Variants in ZSCAN25 observed in about 807,000 individuals in gnomAD.
The protein encoded by ZSCAN25 is zinc finger and SCAN domain-containing protein 25.
A neutral mutation model predicts 38.7 loss-of-function variants in ZSCAN25; 27 were observed. The observed-to-expected ratio is 0.70, with a 90% CI of 0.51 to 0.96. The LOEUF (loss-of-function observed/expected upper bound fraction) is 0.96, where lower values mean the gene tolerates loss of function less well. ZSCAN25 is among the 40% of genes least tolerant of loss of function. The pLI is 0.00. For synonymous variants in ZSCAN25, 273 were observed against 277.7 expected (o/e 0.98, Z 0.17); for missense variants, 637 against 705.9 (o/e 0.90, Z 1.11).
chr7:99,717,561 G>A, the ZSCAN25 span: 10 of 1,613,770 alleles, frequency 6.2e-6, no homozygotes, highest in Non-Finnish European at 5.9e-6. Flanking sequence ...GTTGGAGACA[G>A]CAATGATCGT....
rs748823213 is a variant in ZSCAN25 at position 99,629,976 on chromosome 7, C to T, written c.1591C>T (p.Arg531Trp). The T allele has an allele frequency of 3.8e-5, 61 of 1,602,454 alleles. No homozygotes were observed. Among genetic ancestry groups the T allele is most frequent in the Non-Finnish European group, 4.9e-5 (57 of 1,174,244 alleles). Residue 531 changes from arginine (R) to tryptophan (W), a missense_variant, in exon 8 of 8, where the codon CGG (arginine) becomes TGG (tryptophan). Transcript: ENST00000394152. The surrounding 1 kb of genome is among the most constrained non-coding windows in gnomAD (Gnocchi z 5.6). ...RSFNQRSILN[R>W]HQKTQHRQEP... ...CTTCAACCAGAGGTCCATCCTCAAC[C>T]GGCACCAGAAGACCCAGCACCGCCA...
Position 99,629,578 on chromosome 7 carries a change from TG to T in ZSCAN25, c.1196del (p.Gly399GlufsTer212). Reference protein sequence around the residue: ...EYLMKHQRTHLGKRPYVCSEC... With the variant: ...EYLMKHQRTHXGKRPYVCSEC... ...CTGATGAAGCACCAGAGAACCCACCTGGGAAAGAGGCCCTACGTGTGCAGCG... is the reference window on the plus strand; with the variant it reads ...CTGATGAAGCACCAGAGAACCCACCTGGAAAGAGGCCCTACGTGTGCAGCG... On this transcript the variant is annotated frameshift_variant, in exon 8 of 8. Coordinates refer to ENST00000394152, the MANE Select transcript of ZSCAN25 (RefSeq NM_145115.3). LOFTEE classifies it high-confidence loss of function. This position sits in a 1 kb window ranked among gnomAD's most constrained non-coding sequence, Gnocchi z 5.6. The T allele has an allele frequency of 6.2e-7, 1 of 1,614,160 alleles. No individual in the cohort carries two copies. The highest frequency in any genetic ancestry group is 8.5e-7 in the Non-Finnish European group (1 of 1,180,012).
At chr7:99,734,759 C>A in the ZSCAN25 span, among the ~76,000 whole-genome samples, 3 of 151,812 alleles carry the variant, frequency 2.0e-5, no homozygotes, top group African/African-American at 4.8e-5. Context: ...GTAGCTGGGA[C>A]TACAGTTATG....
the ZSCAN25 span, chr7:99,648,082 T>C: frequency 1.6e-5 from 18 of 1,143,302 alleles, no homozygotes; most frequent in Non-Finnish European, 1.8e-5. Flanking sequence ...AAGCTGAGTC[T>C]ACCTATCTGT....
chr7:99,661,554 G>A, the ZSCAN25 span, among the ~76,000 whole-genome samples: 19 of 152,236 alleles, frequency 1.2e-4, no homozygotes, highest in African/African-American at 3.9e-4. Flanking sequence ...CCTGAGAGAA[G>A]CTCACGATGG....
the ZSCAN25 span, chr7:99,731,279 CAG>C: frequency 2.9e-6 from 3 of 1,047,516 alleles, no homozygotes; most frequent in African/African-American, 4.8e-5. Flanking sequence ...TAAAAAATAA[CAG>C]TAACTCTGAC....
chr7:99,680,135 T>G, the ZSCAN25 span: 1 of 505,994 alleles, frequency 2.0e-6, no homozygotes, highest in South Asian at 2.2e-5. Flanking sequence ...CATGAAAAGC[T>G]TAATCAGTGT....
chr7:99,644,309 G>T, the ZSCAN25 span, among the ~76,000 whole-genome samples: 1 of 152,130 alleles, frequency 6.6e-6, no homozygotes, highest in African/African-American at 2.4e-5. Flanking sequence ...GCCAAGCAGA[G>T]CATGAAAAGG....
At chr7:99,665,315 C>T in the ZSCAN25 span, 1 of 1,614,106 alleles carries the variant, frequency 6.2e-7, no homozygotes, top group Non-Finnish European at 8.5e-7. Flanking sequence ...CCCAAAGATG[C>T]TGAGTGGAGA....
chr7:99,617,711 T>G (rs1265624335), intron 1 of ZSCAN25, among the ~76,000 whole-genome samples: 1 of 152,226 alleles, frequency 6.6e-6, no homozygotes, highest in African/African-American at 2.4e-5. Flanking sequence ...GGTCTCCAGC[T>G]GGGGTGATAA....
chr7:99,630,827 C>A lies in ZSCAN25; in HGVS notation c.*807C>A. 1.0e-6 allele frequency: 1 copy of A among 985,358 alleles called. No homozygotes were observed. Among genetic ancestry groups the A allele is most frequent in the Non-Finnish European group, 1.2e-6 (1 of 829,852 alleles). The allele number at this position is 985,358 out of a possible 1,614,324, so 61.0% of individuals were successfully genotyped here. ...AGGAAGTTAGTATTTTGCTATTGAT[C>A]ACTGAATAAACATCAGAGTATTTTA... On this transcript the variant is annotated 3_prime_UTR_variant, in exon 8 of 8. Coordinates refer to ENST00000394152, the MANE Select transcript of ZSCAN25 (RefSeq NM_145115.3).
rs1290179498 is a variant in ZSCAN25 at position 99,629,135 on chromosome 7, A to G, written c.806-56A>G. On this transcript the variant is annotated intron_variant, in intron 7 of 7. Transcript: ENST00000394152. The surrounding 1 kb of genome is among the most constrained non-coding windows in gnomAD (Gnocchi z 5.6). ...GACCCCTGTGAAGCAGAGTTCTAAC[A>G]TGTAAATGTCCTGCGGCTACCACAG... The G allele has an allele frequency of 6.5e-7, 1 of 1,530,988 alleles. No individual in the cohort carries two copies. Among genetic ancestry groups the G allele is most frequent in the Non-Finnish European group, 8.8e-7 (1 of 1,141,148 alleles). 94.8% of individuals were successfully genotyped at this position (1,530,988 alleles called of 1,614,324 possible).
chr7:99,715,628 A>C, the ZSCAN25 span: 2 of 1,490,596 alleles, frequency 1.3e-6, no homozygotes, highest in Non-Finnish European at 1.9e-6. Context: ...ATGGTCGTAC[A>C]TATCTTCAAA....
Position 99,619,899 on chromosome 7 carries a change from T to G in ZSCAN25, c.293T>G (p.Phe98Cys). The G allele has an allele frequency of 6.2e-7, 1 of 1,614,238 alleles. No individual in the cohort carries two copies. The highest frequency in any genetic ancestry group is 8.5e-7 in the Non-Finnish European group (1 of 1,180,050). ...TTCCTCACTATCCTGCCCCGCGAGT[T>G]CTACGCCTGGATCCGGGAGCATGGC... is the stretch of plus-strand genomic sequence containing the variant. ...EQFLTILPRE[F>C]YAWIREHGPE... Residue 98 changes from phenylalanine (F) to cysteine (C), a missense_variant, in exon 4 of 8, where the codon TTC becomes TGC. Coordinates refer to ENST00000394152, the MANE Select transcript of ZSCAN25 (RefSeq NM_145115.3).
At chr7:99,718,738 A>AT in the ZSCAN25 span, among the ~76,000 whole-genome samples, 1 of 152,246 alleles carries the variant, frequency 6.6e-6, no homozygotes, top group East Asian at 1.9e-4. Flanking sequence ...AAGTGACATA[A>AT]TTGTCAATGT....
the ZSCAN25 span, among the ~76,000 whole-genome samples, chr7:99,673,965 G>A: frequency 1.4e-4 from 21 of 152,320 alleles, no homozygotes; most frequent in Non-Finnish European, 2.6e-4. Flanking sequence ...GACAAGCCTC[G>A]AAAAGTTTTA....
chr7:99,638,679 G>A, the ZSCAN25 span: 30 of 1,538,184 alleles, frequency 2.0e-5, no homozygotes, highest in Non-Finnish European at 2.7e-5. Context: ...ACATTTACAG[G>A]ATTGTTGTCT....
At chr7:99,714,150 G>A in the ZSCAN25 span, among the ~76,000 whole-genome samples, 1 of 152,176 alleles carries the variant, frequency 6.6e-6, no homozygotes, top group African/African-American at 2.4e-5. Flanking sequence ...TGGAGAATGT[G>A]TAAAATAATA....
chr7:99,678,568 G>T, the ZSCAN25 span, among the ~76,000 whole-genome samples: 1 of 152,194 alleles, frequency 6.6e-6, no homozygotes, highest in Non-Finnish European at 1.5e-5. Context: ...TTCAGGAAAG[G>T]TGACATTATT....
Sources: gnomAD v4.1 joint callset for allele counts (sites outside exome capture counted in the v4.1 genomes callset) on GRCh38, gnomAD v4.1.1 for gene constraint, Gnocchi (gnomAD v3.1) non-coding constraint, MANE v1.5 for transcripts, NCBI Gene and HGNC (gene_info 2026-07-23, HGNC 2026-07-21) for gene names.